MYO15A: variants seen among roughly 807,000 people sequenced by gnomAD.
MYO15A encodes the protein myosin XVA, also known as unconventional myosin-XV.
Under a neutral mutation model 394.6 loss-of-function variants are expected in MYO15A, and 308 were observed. That is an observed-to-expected ratio of 0.78 (90% CI 0.71 to 0.86). The LOEUF is 0.86. Among genes scored for constraint, MYO15A ranks in the 40% least tolerant of loss-of-function variants. MYO15A has a pLI of 0.00. For synonymous variants in MYO15A, 1,957 were observed against 2,003.8 expected (o/e 0.98, Z 0.62); for missense variants, 4,606 against 4,799.1 (o/e 0.96, Z 1.19).
At position 18,121,965 on chromosome 17, in the gene MYO15A, G is replaced by A. The variant is rs763512706; in HGVS notation, c.3165G>A (p.Lys1055=). The A allele has an allele frequency of 6.2e-7, 1 of 1,612,862 alleles. No individual in the cohort carries two copies. Among genetic ancestry groups the A allele is most frequent in the Non-Finnish European group, 8.5e-7 (1 of 1,179,998 alleles). ...TPPKDVLPEQ[K]TLRPSLSYPL... The stretch of plus-strand genomic sequence containing the variant: ...CCAAGGATGTCCTCCCAGAGCAAAA[G>A]ACATTAAGGCCCAGCCTCTCATACC... The change falls in exon 2 of 66, where the codon AAG becomes AAA. Residue 1055 remains lysine, a synonymous_variant. Coordinates refer to ENST00000647165, the MANE Select transcript of MYO15A (RefSeq NM_016239.4). This position sits in a 1 kb window ranked among gnomAD's most constrained non-coding sequence, Gnocchi z 5.3.
intron 25 of MYO15A, among the ~76,000 whole-genome samples, chr17:18,143,222 A>G (rs894147209): frequency 6.6e-6 from 1 of 152,202 alleles, no homozygotes; most frequent in African/African-American, 2.4e-5. Context: ...AAAGCAATGA[A>G]GCAGTAGGTA....
intron 29 of MYO15A, 87 bp downstream of exon 29, chr17:18,144,679 C>A: frequency 1.5e-6 from 2 of 1,314,306 alleles, no homozygotes; most frequent in East Asian, 4.6e-5. Context: ...CCCAGCCCTC[C>A]CCAAGCCCAA....
rs1194603466 is a variant in MYO15A, at chr17:18,119,285, G to A, written c.485G>A (p.Arg162His). 2 of 1,611,840 alleles carry A rather than the reference G, an allele frequency of 1.2e-6. No individual in the cohort carries two copies. The highest frequency in any genetic ancestry group is 1.7e-5 in the Admixed American group (1 of 60,018). ...EQATVDAWLQ[R>H]SSSRMGSRKL... ...GCCACAGTGGACGCCTGGCTGCAGC[G>A]CTCGAGCTCCCGCATGGGCTCCCGC... Residue 162 changes from arginine to histidine, a missense_variant, in exon 2 of 66, where the codon CGC becomes CAC. Arg to His is a conservative substitution (Grantham distance 29). Coordinates refer to ENST00000647165, the MANE Select transcript of MYO15A (RefSeq NM_016239.4).
Position 18,133,222 on chromosome 17 carries a change from C to A in MYO15A, c.4321-3C>A. ...CTGACCCTCAGCCTCTGCCCTCATG[C>A]AGGGTGGGAACTGTGAGATAGCAGG... On this transcript the variant is annotated splice_polypyrimidine_tract_variant and splice_region_variant and intron_variant, in intron 11 of 65. Transcript: ENST00000647165. 6.2e-7 allele frequency: 1 copy of A among 1,613,950 alleles called. No homozygotes were observed. The highest frequency in any genetic ancestry group is 1.3e-5 in the African/African-American group (1 of 75,046).
At position 18,157,718 on chromosome 17, in the gene MYO15A, C is replaced by T. The variant is rs1567657899; in HGVS notation, c.8789-4C>T. 6.2e-7 allele frequency: 1 copy of T among 1,605,458 alleles called. No homozygotes were observed. The highest frequency in any genetic ancestry group is 1.7e-5 in the Admixed American group (1 of 60,024). On this transcript the variant is annotated splice_polypyrimidine_tract_variant and splice_region_variant and intron_variant, in intron 50 of 65. Coordinates refer to ENST00000647165, the MANE Select transcript of MYO15A (RefSeq NM_016239.4). ...TTTGCCTCAGACCTTTTACCCACCC[C>T]TAGGCTGGAGGTTCGGGACCATCCA...
At chr17:18,167,228 C>A (rs933061758) in intron 61 of MYO15A, among the ~76,000 whole-genome samples, 1 of 152,210 alleles carries the variant, frequency 6.6e-6, no homozygotes, top group Admixed American at 6.5e-5. Context: ...CTCAGGAGCC[C>A]AGCCTGGCTG....
chr17:18,136,382 G>A, intron 13 of MYO15A, 35 bp from the exon 14 acceptor site: 1 of 1,613,022 alleles, frequency 6.2e-7, no homozygotes, highest in South Asian at 1.1e-5. Context: ...AGAGTGGCCA[G>A]CCTGATGTCA....
At chr17:18,174,800 C>G (rs2046991427) in intron 65 of MYO15A, among the ~76,000 whole-genome samples, 1 of 152,192 alleles carries the variant, frequency 6.6e-6, no homozygotes, top group Non-Finnish European at 1.5e-5. Flanking sequence ...CCCTCCAGGT[C>G]TGGGCCCAGC....
rs1255733524 is a variant in MYO15A at position 18,156,946 on chromosome 17, T to C, written c.8602-8T>C. ...CTGTTGCCCTCACCCTGCCTCTGGCTGACCCAGGACTCTGACTACGTGGTC... is the reference window on the plus strand; with the variant it reads ...CTGTTGCCCTCACCCTGCCTCTGGCCGACCCAGGACTCTGACTACGTGGTC... On this transcript the variant is annotated splice_region_variant and splice_polypyrimidine_tract_variant and intron_variant, in intron 48 of 65. Coordinates refer to ENST00000647165, the MANE Select transcript of MYO15A (RefSeq NM_016239.4). 6.2e-7 allele frequency: 1 copy of C among 1,613,550 alleles called. No homozygotes were observed.
At position 18,118,791 on chromosome 17, in the gene MYO15A, G is replaced by C; in HGVS notation, c.-10G>C. Reference sequence around the variant, plus strand: ...CCGGCCCCAGGCCCTGTAGAGAGCAGGCAGCCACCATGGCGAAGGAGGAAG... The same window carrying C: ...CCGGCCCCAGGCCCTGTAGAGAGCACGCAGCCACCATGGCGAAGGAGGAAG... On this transcript the variant is annotated 5_prime_UTR_variant, in exon 2 of 66. Coordinates refer to ENST00000647165, the MANE Select transcript of MYO15A (RefSeq NM_016239.4). 1 of 1,608,406 alleles carries C rather than the reference G, an allele frequency of 6.2e-7. No individual in the cohort carries two copies. Among genetic ancestry groups the C allele is most frequent in the Non-Finnish European group, 8.5e-7 (1 of 1,177,726 alleles).
At chr17:18,128,358 A>G (rs1360906252) in intron 7 of MYO15A, among the ~76,000 whole-genome samples, 1 of 152,120 alleles carries the variant, frequency 6.6e-6, no homozygotes, top group Admixed American at 6.5e-5. Context: ...CCACAGACCC[A>G]GACTTCCCCA....
Position 18,119,104 on chromosome 17 carries a change from A to T in MYO15A, c.304A>T (p.Lys102Ter). 1 of 1,612,042 alleles carries T rather than the reference A, an allele frequency of 6.2e-7. No homozygotes were observed. Among genetic ancestry groups the T allele is most frequent in the Non-Finnish European group, 8.5e-7 (1 of 1,179,646 alleles). Residue 102 changes from lysine (K) to a stop codon, truncating the protein, a stop_gained, in exon 2 of 66, where the codon AAG becomes TAG. Transcript: ENST00000647165. LOFTEE classifies it high-confidence loss of function. ...MGKKKRAMKG[K>*]KPSFMVIRFP... ...CAAGAAGAAGCGGGCGATGAAGGGCAAGAAGCCGTCCTTCATGGTGATCCG... is the reference window on the plus strand; with the variant it reads ...CAAGAAGAAGCGGGCGATGAAGGGCTAGAAGCCGTCCTTCATGGTGATCCG...
Position 18,163,314 on chromosome 17 carries a change from C to T in MYO15A, c.9683C>T (p.Thr3228Ile). The change falls in exon 59 of 66, where the codon ACA (threonine) becomes ATA (isoleucine). Residue 3228 changes from threonine (T) to isoleucine (I), a missense_variant. Thr to Ile is a moderately conservative substitution (Grantham distance 89). Around this residue, in one of 2 missense-constraint regions of MYO15A, gnomAD observed 2,776 missense variants for 3,109.3 expected, o/e 0.89. Transcript: ENST00000647165. ...GGLERHLKIKTCTVALDVVEE... is the reference protein window; with the variant it reads ...GGLERHLKIKICTVALDVVEE... Reference sequence around the variant, plus strand: ...CTTGAACGCCATCTCAAAATCAAAACATGCACTGTAAGTGAAGAAATGTCT... The same window carrying T: ...CTTGAACGCCATCTCAAAATCAAAATATGCACTGTAAGTGAAGAAATGTCT... 2 of 1,614,104 alleles carry T rather than the reference C, an allele frequency of 1.2e-6. No individual in the cohort carries two copies. Among genetic ancestry groups the T allele is most frequent in the Non-Finnish European group, 1.7e-6 (2 of 1,179,958 alleles).
chr17:18,115,127 T>C (rs2045767985), intron 1 of MYO15A, among the ~76,000 whole-genome samples: 1 of 152,186 alleles, frequency 6.6e-6, no homozygotes, highest in African/African-American at 2.4e-5. Flanking sequence ...GAGCCATTCC[T>C]GCACCCTGCC....
At chr17:18,176,564 T>A (rs1488818805) in intron 65 of MYO15A, 2 of 115,238 alleles carry the variant, frequency 1.7e-5, no homozygotes, top group Non-Finnish European at 3.8e-5. Context: ...TTTTTTTTTT[T>A]ACTACAGTGT....
chr17:18,131,911 C>T (rs1196729239), intron 10 of MYO15A, among the ~76,000 whole-genome samples: 2 of 152,202 alleles, frequency 1.3e-5, no homozygotes, highest in African/African-American at 4.8e-5. Flanking sequence ...AGCCCCTACC[C>T]CGTCCACTGC....
intron 62 of MYO15A, among the ~76,000 whole-genome samples, chr17:18,170,985 G>A (rs550270005): frequency 1.1e-4 from 17 of 152,364 alleles, no homozygotes; most frequent in African/African-American, 4.1e-4. Flanking sequence ...TTACCCAGGG[G>A]ATCTCTTGGG....
chr17:18,169,529 C>T (rs1246796130), intron 62 of MYO15A: 1 of 151,518 alleles, frequency 6.6e-6, no homozygotes, highest in Non-Finnish European at 1.5e-5. Flanking sequence ...GCCAGCTACT[C>T]GGGAGGCTGA....
At position 18,178,785 on chromosome 17, in the gene MYO15A, G is replaced by A. The variant is rs756798489; in HGVS notation, c.10508G>A (p.Arg3503His). 7.7e-5 allele frequency: 125 copies of A among 1,613,924 alleles called. 3 individuals are homozygous for A. The South Asian group carries it at 1.0e-3, about 13-fold the overall frequency. The change falls in exon 66 of 66, where the codon CGT becomes CAT. Residue 3503 changes from arginine to histidine, a missense_variant. Physicochemically the swap from Arg to His is conservative, Grantham distance 29 (BLOSUM62 0). Transcript: ENST00000647165. ...LQLEQGLELCRVVAVHVENLL... is the reference protein window; with the variant it reads ...LQLEQGLELCHVVAVHVENLL... The stretch of plus-strand genomic sequence containing the variant: ...CACCTGCAGGGACTGGAACTGTGTC[G>A]TGTGGTGGCCGTGCACGTGGAGAAC...
Sources: allele counts gnomAD v4.1 joint callset (sites outside exome capture counted in the v4.1 genomes callset), GRCh38; gene constraint gnomAD v4.1.1; regional missense constraint gnomAD v4.1.1; non-coding constraint Gnocchi (gnomAD v3.1); transcripts MANE v1.5; gene names NCBI Gene and HGNC (gene_info 2026-07-23, HGNC 2026-07-21).